Variants in PDGFC observed in about 807,000 individuals in gnomAD.
PDGFC encodes platelet-derived growth factor C.
Under a neutral mutation model 35.5 loss-of-function variants are expected in PDGFC, and 12 were observed. The observed-to-expected ratio is 0.34, with a 90% CI of 0.22 to 0.55. The LOEUF is 0.55. Ranked by LOEUF, PDGFC falls within the 20% of genes least tolerant of loss-of-function variation. The pLI, the probability that PDGFC is intolerant of heterozygous loss-of-function variation, is 0.91. For synonymous variants in PDGFC, 159 were observed against 148.8 expected, an observed-to-expected ratio of 1.07 and a Z score of -0.50; for missense variants, 322 against 412.4, an observed-to-expected ratio of 0.78 and a Z score of 1.90.
intron 2 of PDGFC, among the ~76,000 whole-genome samples, chr4:156,839,531 G>A (rs140291433): frequency 9.8e-4 from 149 of 152,204 alleles, no homozygotes; most frequent in African/African-American, 2.9e-3. Context: ...CTTTACAGCC[G>A]CGTGAGAATG....
chr4:156,923,018 T>C (rs1005851856), intron 1 of PDGFC, among the ~76,000 whole-genome samples: 1 of 152,174 alleles, frequency 6.6e-6, no homozygotes, highest in Non-Finnish European at 1.5e-5. Flanking sequence ...TTATATAGTC[T>C]CTACACAAAA....
chr4:156,822,095 G>A (rs1732277858), intron 2 of PDGFC, among the ~76,000 whole-genome samples: 2 of 152,026 alleles, frequency 1.3e-5, no homozygotes, highest in African/African-American at 4.8e-5. Context: ...AATTTAAAAA[G>A]TGGCCTGTAA....
chr4:156,839,068 G>A (rs889382014), intron 2 of PDGFC, among the ~76,000 whole-genome samples: 1 of 152,208 alleles, frequency 6.6e-6, no homozygotes, highest in Non-Finnish European at 1.5e-5. Context: ...AAGCGACTGA[G>A]CTAAAGCTGT....
chr4:156,893,470 G>A (rs1020167571), intron 1 of PDGFC, among the ~76,000 whole-genome samples: 2 of 151,778 alleles, frequency 1.3e-5, no homozygotes, highest in African/African-American at 4.8e-5. Context: ...GGGACTATAG[G>A]TGCATGATTT....
chr4:156,892,470 G>A (rs901875637), intron 1 of PDGFC, among the ~76,000 whole-genome samples: 1 of 151,470 alleles, frequency 6.6e-6, no homozygotes, highest in Non-Finnish European at 1.5e-5. Flanking sequence ...ATTTCCTGAT[G>A]GTACCACCAT....
intron 1 of PDGFC, among the ~76,000 whole-genome samples, chr4:156,904,269 G>A (rs578201572): frequency 2.2e-4 from 34 of 151,996 alleles, no homozygotes; most frequent in African/African-American, 8.2e-4. Flanking sequence ...ATAAAAGCTG[G>A]AAAAAGGAAA....
At chr4:156,798,710 G>C (rs1396491387) in intron 3 of PDGFC, among the ~76,000 whole-genome samples, 2 of 152,142 alleles carry the variant, frequency 1.3e-5, no homozygotes, top group Admixed American at 6.5e-5. Flanking sequence ...CTCAGGTATT[G>C]AAAGTCAAGT....
At chr4:156,854,120 T>C (rs965186498) in intron 1 of PDGFC, among the ~76,000 whole-genome samples, 1 of 152,220 alleles carries the variant, frequency 6.6e-6, no homozygotes, top group Non-Finnish European at 1.5e-5. Context: ...GTACTTATAG[T>C]AATTTATAAA....
intron 1 of PDGFC, among the ~76,000 whole-genome samples, chr4:156,952,803 T>A (rs78069800): frequency 0.011 from 1,730 of 151,978 alleles, 29 homozygotes; most frequent in African/African-American, 0.039. Context: ...CTGTTTTTAT[T>A]TTTCCAGCAC....
At chr4:156,765,622 T>C (rs920416375) in intron 5 of PDGFC, among the ~76,000 whole-genome samples, 20 of 152,144 alleles carry the variant, frequency 1.3e-4, no homozygotes, top group African/African-American at 4.6e-4. Context: ...TGTAAGACTA[T>C]TATTTCATAA....
chr4:156,799,850 A>T (rs564089833), intron 3 of PDGFC, among the ~76,000 whole-genome samples: 19 of 152,314 alleles, frequency 1.2e-4, no homozygotes, highest in South Asian at 1.2e-3. Flanking sequence ...GTGTGGAGAC[A>T]CTACAGTTTA....
At chr4:156,879,940 C>T (rs896336837) in intron 1 of PDGFC, among the ~76,000 whole-genome samples, 6 of 152,124 alleles carry the variant, frequency 3.9e-5, no homozygotes, top group Non-Finnish European at 5.9e-5. Flanking sequence ...CACAGAAAGC[C>T]CTTTTTTCAA....
chr4:156,879,462 G>A (rs1459429602), intron 1 of PDGFC, among the ~76,000 whole-genome samples: 13 of 151,982 alleles, frequency 8.6e-5, no homozygotes, highest in Admixed American at 7.9e-4. Context: ...TCCCTCTTTA[G>A]TAAGAAGCCT....
At chr4:156,894,227 A>C (rs1730578752) in intron 1 of PDGFC, among the ~76,000 whole-genome samples, 1 of 152,172 alleles carries the variant, frequency 6.6e-6, no homozygotes. Context: ...AGTAATCTTG[A>C]CTTTTTACTG....
intron 1 of PDGFC, among the ~76,000 whole-genome samples, chr4:156,945,847 A>G (rs984348696): frequency 2.0e-5 from 3 of 152,024 alleles, no homozygotes; most frequent in African/African-American, 7.2e-5. Context: ...CATGGGCCCA[A>G]TCTGACTCCT....
At chr4:156,887,882 A>G (rs1432813472) in intron 1 of PDGFC, among the ~76,000 whole-genome samples, 1 of 151,802 alleles carries the variant, frequency 6.6e-6, no homozygotes, top group East Asian at 1.9e-4. Flanking sequence ...ATGTGCCTGC[A>G]GTCCCAGGTA....
intron 2 of PDGFC, among the ~76,000 whole-genome samples, chr4:156,814,256 C>A (rs1004756966): frequency 6.6e-6 from 1 of 152,084 alleles, no homozygotes; most frequent in Non-Finnish European, 1.5e-5. Flanking sequence ...CAGGTAATCA[C>A]CACATGTTCG....
chr4:156,849,010 C>T (rs1342551100), intron 2 of PDGFC, among the ~76,000 whole-genome samples: 1 of 151,896 alleles, frequency 6.6e-6, no homozygotes. Context: ...TACTACTTTG[C>T]AAGTAGGGCA....
chr4:156,916,162 G>C (rs1372720750), intron 1 of PDGFC, among the ~76,000 whole-genome samples: 1 of 151,880 alleles, frequency 6.6e-6, no homozygotes, highest in Non-Finnish European at 1.5e-5. Context: ...AAAATTCTAA[G>C]ATCTTAGGGG....
Sources: gnomAD v4.1 joint callset for allele counts (sites outside exome capture counted in the v4.1 genomes callset) on GRCh38, gnomAD v4.1.1 for gene constraint, MANE v1.5 for transcripts, NCBI Gene and HGNC (gene_info 2026-07-23, HGNC 2026-07-21) for gene names.